The following CDS1 variants were observed in gnomAD, a reference collection of about 807,000 sequenced individuals.
CDS1 encodes the protein phosphatidate cytidylyltransferase 1.
Under a neutral mutation model 62.1 loss-of-function variants are expected in CDS1, and 41 were observed. The ratio of observed to expected loss-of-function variants is 0.66; its 90% confidence interval spans 0.51 to 0.86. The LOEUF (loss-of-function observed/expected upper bound fraction) is 0.86. Among genes scored for constraint, CDS1 ranks in the 40% least tolerant of loss-of-function variants. The probability of loss-of-function intolerance (pLI) is 0.00; values close to 1 mark genes in which losing one functional copy is unlikely to be tolerated. For synonymous variants in CDS1, 185 were observed against 192.6 expected (o/e 0.96, Z 0.32); for missense variants, 470 against 550.1 (o/e 0.85, Z 1.46).
intron 3 of CDS1, among the ~76,000 whole-genome samples, chr4:84,611,606 C>G (rs1018107894): frequency 6.6e-6 from 1 of 152,158 alleles, no homozygotes; most frequent in African/African-American, 2.4e-5. Flanking sequence ...CACCTCAAAG[C>G]CTCTTTCACT....
At chr4:84,602,254 G>A (rs1464229108) in intron 1 of CDS1, among the ~76,000 whole-genome samples, 3 of 151,974 alleles carry the variant, frequency 2.0e-5, no homozygotes, top group East Asian at 1.9e-4. Context: ...TTTTTATTTT[G>A]TGTTTCTCTA....
intron 8 of CDS1, 51 bp downstream of exon 8, chr4:84,635,402 C>A: frequency 3.5e-6 from 3 of 859,152 alleles, no homozygotes; most frequent in South Asian, 2.8e-5. Context: ...AAAGATTAGC[C>A]ACTGGAGAAC....
intron 8 of CDS1, among the ~76,000 whole-genome samples, chr4:84,635,621 GC>G (rs754009739): frequency 0.043 from 3,690 of 84,862 alleles, 169 homozygotes; most frequent in Non-Finnish European, 0.057. Flanking sequence ...CTGCCTGCCT[GC>G]CTGCCTTCCT....
chr4:84,646,803 A>AT (rs1724570935), intron 12 of CDS1, among the ~76,000 whole-genome samples: 1 of 151,954 alleles, frequency 6.6e-6, no homozygotes, highest in Non-Finnish European at 1.5e-5. Context: ...TTCTGTACTG[A>AT]TTTTTGTTTA....
chr4:84,604,169 A>G (rs778525956), intron 1 of CDS1, 74 bp from the exon 2 acceptor site: 2 of 1,273,572 alleles, frequency 1.6e-6, no homozygotes, highest in Non-Finnish European at 2.2e-6. Context: ...ACACTGAGCA[A>G]TAAATGAATG....
intron 8 of CDS1, among the ~76,000 whole-genome samples, chr4:84,636,911 ATAT>A (rs1191285845): frequency 1.3e-5 from 2 of 152,204 alleles, no homozygotes; most frequent in Non-Finnish European, 2.9e-5. Flanking sequence ...TCTCACAGAC[ATAT>A]TATTACCTGG....
Position 84,583,506 on chromosome 4 carries a change from C to A in CDS1, c.105C>A (p.Ser35Arg). 1.3e-6 allele frequency: 2 copies of A among 1,526,856 alleles called. No homozygotes were observed. Among genetic ancestry groups the A allele is most frequent in the South Asian group, 2.4e-5 (2 of 82,638 alleles). 94.6% of individuals were successfully genotyped at this position (1,526,856 alleles called of 1,614,324 possible). The change falls in exon 1 of 13, where the codon AGC (serine) becomes AGA (arginine). Residue 35 changes from serine (S) to arginine (R), a missense_variant. Ser to Arg is a moderately radical substitution (Grantham distance 110, BLOSUM62 -1). Around this residue, in one of 5 missense-constraint regions of CDS1, gnomAD observed 150 missense variants for 142.0 expected, o/e 1.06. Coordinates refer to ENST00000295887, the MANE Select transcript of CDS1 (RefSeq NM_001263.4). ...CCGGCGGCGACCACGAAACCGAGAG[C>A]ACCAGCGACAAAGTAAGTGGAGCCG... ...EAAGGDHETE[S>R]TSDKETDIDD...
chr4:84,642,012 T>C (rs1177093426), intron 10 of CDS1, among the ~76,000 whole-genome samples: 13 of 152,306 alleles, frequency 8.5e-5, no homozygotes, highest in Non-Finnish European at 1.6e-4. Flanking sequence ...AGGCTATTTA[T>C]TGCTTTGAGA....
At chr4:84,630,789 A>G (rs914545088) in intron 5 of CDS1, among the ~76,000 whole-genome samples, 10 of 152,108 alleles carry the variant, frequency 6.6e-5, no homozygotes, top group African/African-American at 2.2e-4. Flanking sequence ...TGAGCCATAG[A>G]GCGACACTTG....
chr4:84,648,378 G>T (rs1045774507), intron 12 of CDS1, among the ~76,000 whole-genome samples, 179 bp from the exon 13 acceptor site: 14 of 152,060 alleles, frequency 9.2e-5, no homozygotes, highest in Non-Finnish European at 1.3e-4. Flanking sequence ...CTCCCTCTCT[G>T]CTGTAACCCT....
chr4:84,633,862 A>C lies in CDS1; in HGVS notation c.645A>C (p.Ala215=). 6.3e-7 allele frequency: 1 copy of C among 1,598,730 alleles called. No homozygotes were observed. The highest frequency in any genetic ancestry group is 8.5e-7 in the Non-Finnish European group (1 of 1,171,420). The part of the protein sequence containing the change: ...KHYRLQFYMF[A]WTHVTLLITV... ...TATTGTTGGGCTATTAACAGTTCGC[A>C]TGGACTCATGTCACTTTACTGATAA... is the stretch of plus-strand genomic sequence containing the variant. Residue 215 remains alanine (A), a synonymous_variant, in exon 7 of 13, where the codon GCA becomes GCC. Coordinates refer to ENST00000295887, the MANE Select transcript of CDS1 (RefSeq NM_001263.4).
chr4:84,643,030 G>A lies in CDS1; in HGVS notation c.1039G>A (p.Val347Met). ...CCTTCTTTCTCCTCTTTAGGAAAGAGTGAGCTTGTACCCTTTCCAGATCCA... is the reference window on the plus strand; with the variant it reads ...CCTTCTTTCTCCTCTTTAGGAAAGAATGAGCTTGTACCCTTTCCAGATCCA... ...FLKAVLRQER[V>M]SLYPFQIHSI... Residue 347 changes from valine (V) to methionine (M), a missense_variant, in exon 11 of 13, where the codon GTG (valine) becomes ATG (methionine). Val to Met is a conservative substitution (Grantham distance 21). This residue lies in a region of CDS1 where 214 missense variants were observed against 242.4 expected (regional missense o/e 0.88). Coordinates refer to ENST00000295887, the MANE Select transcript of CDS1 (RefSeq NM_001263.4). The A allele has an allele frequency of 6.3e-7, 1 of 1,598,250 alleles. No individual in the cohort carries two copies. Among genetic ancestry groups the A allele is most frequent in the Admixed American group, 1.7e-5 (1 of 59,890 alleles).
At chr4:84,622,074 G>C (rs1362189050) in intron 5 of CDS1, among the ~76,000 whole-genome samples, 1 of 152,166 alleles carries the variant, frequency 6.6e-6, no homozygotes, top group African/African-American at 2.4e-5. Context: ...TACCAAACCA[G>C]TAAGCTTGAT....
intron 1 of CDS1, among the ~76,000 whole-genome samples, chr4:84,597,136 A>G (rs1219062541): frequency 6.6e-6 from 1 of 152,172 alleles, no homozygotes; most frequent in African/African-American, 2.4e-5. Context: ...GTAACTCCTG[A>G]TTGGATTAGT....
chr4:84,592,813 CTATT>C (rs2110036011), intron 1 of CDS1, among the ~76,000 whole-genome samples: 1 of 152,238 alleles, frequency 6.6e-6, no homozygotes, highest in African/African-American at 2.4e-5. Flanking sequence ...CCATGGCCAA[CTATT>C]TAAGAGCTTT....
intron 11 of CDS1, 60 bp from the exon 12 acceptor site, chr4:84,645,162 A>G: frequency 2.8e-6 from 3 of 1,055,612 alleles, no homozygotes; most frequent in South Asian, 1.3e-5. Context: ...AGACACAGAT[A>G]GGAATTTTAT....
At chr4:84,597,645 G>A (rs1330762733) in intron 1 of CDS1, among the ~76,000 whole-genome samples, 2 of 151,910 alleles carry the variant, frequency 1.3e-5, no homozygotes, top group Non-Finnish European at 2.9e-5. Context: ...ACAAAACAGT[G>A]TTACTAAGTC....
chr4:84,626,425 T>G (rs1286763284), intron 5 of CDS1, among the ~76,000 whole-genome samples: 1 of 152,206 alleles, frequency 6.6e-6, no homozygotes, highest in East Asian at 1.9e-4. Context: ...CACCAGGATA[T>G]TGACATCATT....
At chr4:84,610,610 C>T (rs1723289640) in intron 3 of CDS1, among the ~76,000 whole-genome samples, 1 of 152,188 alleles carries the variant, frequency 6.6e-6, no homozygotes, top group East Asian at 1.9e-4. Context: ...AGCATACTAT[C>T]TGCACTTTAA....
Sources: allele counts gnomAD v4.1 joint callset (sites outside exome capture counted in the v4.1 genomes callset), GRCh38; gene constraint gnomAD v4.1.1; regional missense constraint gnomAD v4.1.1; transcripts MANE v1.5; gene names NCBI Gene and HGNC (gene_info 2026-07-23, HGNC 2026-07-21).